Variants in TENM1 observed in about 807,000 individuals in gnomAD.
The protein encoded by TENM1 is teneurin transmembrane protein 1, also known as teneurin-1.
Under a neutral mutation model 174.8 loss-of-function variants are expected in TENM1, and 35 were observed. The ratio of observed to expected loss-of-function variants is 0.20; its 90% CI spans 0.15 to 0.27. TENM1 has a LOEUF of 0.27. Among genes scored for constraint, TENM1 ranks in the 10% least tolerant of loss-of-function variants. The pLI is 1.00. For synonymous variants in TENM1, 781 were observed against 798.7 expected (o/e 0.98, Z 0.37); for missense variants, 1,633 against 2,130.1 (o/e 0.77, Z 4.59).
chrX:124,513,513 A>G (rs1169256791), intron 18 of TENM1, among the ~76,000 whole-genome samples: 2 of 111,868 alleles, frequency 1.8e-5, no homozygotes, highest in Non-Finnish European at 3.8e-5. Flanking sequence ...CCAAGGATGG[A>G]CATCTTTGTG....
chrX:124,462,244 G>T (rs1053374233), intron 22 of TENM1, among the ~76,000 whole-genome samples: 1 of 110,255 alleles, frequency 9.1e-6, no homozygotes, highest in Admixed American at 9.7e-5. Flanking sequence ...GCTGCATGCA[G>T]ACCATCCAGT....
intron 4 of TENM1, among the ~76,000 whole-genome samples, chrX:124,712,729 ACCTCGGCCT>A (rs1374385044): frequency 9.0e-6 from 1 of 111,320 alleles, no homozygotes. Flanking sequence ...TGATCTGCCC[ACCTCGGCCT>A]CCCAAAGTGT....
At chrX:124,740,303 C>A (rs1034404192) in intron 3 of TENM1, among the ~76,000 whole-genome samples, 1 of 111,820 alleles carries the variant, frequency 8.9e-6, no homozygotes, top group African/African-American at 3.3e-5. Flanking sequence ...CTCTTCAGTA[C>A]AGTTGTTCAA....
At chrX:124,454,857 C>T (rs1258139388) in intron 22 of TENM1, among the ~76,000 whole-genome samples, 1 of 112,122 alleles carries the variant, frequency 8.9e-6, no homozygotes. Flanking sequence ...TTAGTCTTTT[C>T]CCCACTTCCC....
chrX:124,431,480 G>C (rs906129993), intron 23 of TENM1, among the ~76,000 whole-genome samples: 1 of 112,019 alleles, frequency 8.9e-6, no homozygotes, highest in African/African-American at 3.2e-5. Context: ...TCTCTGCCAG[G>C]TGTTATGCCA....
Position 124,471,189 on chromosome X carries a change from A to G in TENM1, c.3949+10543T>C, listed in dbSNP as rs865809617. 7.2e-3 allele frequency among the ~76,000 whole-genome samples: 484 copies of G among 67,597 alleles called. 3 individuals carry two copies. The highest frequency in any genetic ancestry group is 0.026 in the African/African-American group (464 of 17,831). 58.7% of individuals were successfully genotyped at this position (67,597 alleles called of 115,157 possible). ...TATAATATATAGTACTATATAATAT[A>G]TATTATATAATATATAGTACTATAT... On this transcript the variant is annotated intron_variant, in intron 22 of 31. Transcript: ENST00000422452.
the TENM1 span, among the ~76,000 whole-genome samples, chrX:125,012,088 A>G: frequency 4.5e-5 from 5 of 111,816 alleles, no homozygotes; most frequent in South Asian, 1.9e-3. Context: ...ACAGGAACAG[A>G]AAACGAAACA....
At chrX:125,011,897 T>C in the TENM1 span, among the ~76,000 whole-genome samples, 7 of 111,767 alleles carry the variant, frequency 6.3e-5, no homozygotes, top group Non-Finnish European at 1.1e-4. Context: ...CGTATGTTTA[T>C]TGCAGCACTA....
chrX:124,649,336 T>A (rs1048166628), intron 8 of TENM1, among the ~76,000 whole-genome samples: 1 of 112,579 alleles, frequency 8.9e-6, no homozygotes, highest in African/African-American at 3.2e-5. Flanking sequence ...TAATGAATAC[T>A]CTTATAGAAT....
At chrX:124,523,307 A>T in intron 17 of TENM1, 57 bp downstream of exon 20, 1 of 1,124,179 alleles carries the variant, frequency 8.9e-7, no homozygotes, top group East Asian at 3.0e-5. Flanking sequence ...GCTATTATAC[A>T]CTGTTGACCA....
At chrX:124,942,636 AGAG>A (rs1160834809) in intron 1 of TENM1, among the ~76,000 whole-genome samples, 1 of 111,845 alleles carries the variant, frequency 8.9e-6, no homozygotes, top group African/African-American at 3.2e-5. Context: ...AATGTAATTT[AGAG>A]GAGAACTAAA....
intron 3 of TENM1, among the ~76,000 whole-genome samples, chrX:124,891,136 A>G (rs2057468876): frequency 9.0e-6 from 1 of 111,008 alleles, no homozygotes; most frequent in Admixed American, 9.6e-5. Context: ...AAGGATGGTT[A>G]CCAGGGGCTG....
chrX:125,001,924 A>ATC, the TENM1 span, among the ~76,000 whole-genome samples: 1 of 45,740 alleles, frequency 2.2e-5, no homozygotes, highest in African/African-American at 9.4e-5. Context: ...GTCTAGAGAG[A>ATC]TCACACACAC....
chrX:125,048,213 G>C, the TENM1 span, among the ~76,000 whole-genome samples: 1 of 108,588 alleles, frequency 9.2e-6, no homozygotes, highest in Admixed American at 9.9e-5. Flanking sequence ...TTGCCTTTAG[G>C]AGTCCGTTTA....
chrX:125,041,639 T>C, the TENM1 span, among the ~76,000 whole-genome samples: 1 of 112,346 alleles, frequency 8.9e-6, no homozygotes, highest in East Asian at 2.8e-4. Context: ...GATCATTTAA[T>C]CTTCTCTCTG....
rs2048870924 is a variant in TENM1 at position 124,563,515 on chromosome X, T to C, written c.2287+234A>G. ...GACAAGAAAAAGTAGTCCTTAAAAC[T>C]GCTTATCAGTCCATTCTATACTACG... On this transcript the variant is annotated intron_variant, in intron 13 of 31. Transcript: ENST00000422452. Among the ~76,000 whole-genome samples the C allele has an allele frequency of 3.6e-5, 4 of 109,874 alleles. No individual in the cohort carries two copies. In the South Asian group the frequency reaches 1.5e-3, roughly 42 times the overall value.
chrX:124,417,920 C>A (rs1314383648), intron 25 of TENM1, among the ~76,000 whole-genome samples: 1 of 111,778 alleles, frequency 8.9e-6, no homozygotes, highest in Non-Finnish European at 1.9e-5. Flanking sequence ...GTCCTGATAG[C>A]TCTACTGTCA....
chrX:124,869,062 C>CA (rs146594515), intron 3 of TENM1, among the ~76,000 whole-genome samples: 1,805 of 52,680 alleles, frequency 0.034, 32 homozygotes, highest in East Asian at 0.045. Context: ...CCGTCTCTAC[C>CA]AAAAAAAAAA....
the TENM1 span, among the ~76,000 whole-genome samples, chrX:125,191,371 A>G: frequency 8.9e-6 from 1 of 112,132 alleles, no homozygotes; most frequent in African/African-American, 3.2e-5. Flanking sequence ...AACAAAATTC[A>G]TGCCCTCAAG....
Sources: allele counts gnomAD v4.1 joint callset (sites outside exome capture counted in the v4.1 genomes callset), GRCh38; gene constraint gnomAD v4.1.1; transcripts MANE v1.5; gene names NCBI Gene and HGNC (gene_info 2026-07-23, HGNC 2026-07-21).